The following DPYD variants were observed in gnomAD, a reference collection of about 807,000 sequenced individuals.
DPYD encodes the protein dihydropyrimidine dehydrogenase [NADP(+)].
Under a neutral mutation model 116.2 loss-of-function variants are expected in DPYD, and 109 were observed. The observed-to-expected ratio is 0.94, with a 90% confidence interval of 0.80 to 1.10. The LOEUF (loss-of-function observed/expected upper bound fraction) is 1.10. Ranked by LOEUF, DPYD falls within the 50% of genes least tolerant of loss-of-function variation. DPYD has a pLI of 0.00. For missense variants in DPYD, 1,302 were observed against 1,254.5 expected, an observed-to-expected ratio of 1.04 and a Z score of -0.57; for synonymous variants, 440 against 432.0, an observed-to-expected ratio of 1.02 and a Z score of -0.23.
At chr1:97,855,137 T>G (rs1459998225) in intron 2 of DPYD, 2 of 152,224 alleles carry the variant, frequency 1.3e-5, no homozygotes, top group African/African-American at 4.8e-5. Flanking sequence ...GCCAGGCACT[T>G]GTTCGGTTCA....
chr1:97,641,485 C>T (rs896777749), intron 8 of DPYD, among the ~76,000 whole-genome samples: 1 of 152,070 alleles, frequency 6.6e-6, no homozygotes, highest in Non-Finnish European at 1.5e-5. Flanking sequence ...TAAACAGAAC[C>T]AATGACAAAA....
chr1:97,835,951 C>G (rs1405869900), intron 2 of DPYD, among the ~76,000 whole-genome samples: 1 of 152,176 alleles, frequency 6.6e-6, no homozygotes, highest in African/African-American at 2.4e-5. Flanking sequence ...TCTGACCCAT[C>G]TCCACTAAAT....
intron 1 of DPYD, among the ~76,000 whole-genome samples, chr1:97,886,465 T>G (rs1672492074): frequency 6.6e-6 from 1 of 152,044 alleles, no homozygotes; most frequent in African/African-American, 2.4e-5. Flanking sequence ...GGGCCCTGAT[T>G]ATCCTTGCCT....
At chr1:97,912,418 G>A (rs1400904995) in intron 1 of DPYD, among the ~76,000 whole-genome samples, 3 of 152,092 alleles carry the variant, frequency 2.0e-5, no homozygotes, top group Non-Finnish European at 4.4e-5. Context: ...ACTTAAAACT[G>A]AAGTTAATAT....
chr1:97,777,363 A>T (rs906181337), intron 3 of DPYD, among the ~76,000 whole-genome samples: 1 of 152,196 alleles, frequency 6.6e-6, no homozygotes, highest in African/African-American at 2.4e-5. Flanking sequence ...GGCCAAAGAG[A>T]CTGCAAATAC....
intron 4 of DPYD, among the ~76,000 whole-genome samples, chr1:97,731,689 T>C (rs1394555959): frequency 6.6e-6 from 1 of 152,040 alleles, no homozygotes; most frequent in Admixed American, 6.5e-5. Flanking sequence ...TTCTTTTCTA[T>C]ACAATGAGAT....
chr1:97,865,046 T>C (rs980315424), intron 2 of DPYD, among the ~76,000 whole-genome samples: 26 of 152,040 alleles, frequency 1.7e-4, no homozygotes, highest in African/African-American at 6.0e-4. Flanking sequence ...GAAATATTGC[T>C]GCAGAAGGAG....
intron 2 of DPYD, among the ~76,000 whole-genome samples, chr1:97,875,035 T>C (rs182427017): frequency 1.0e-3 from 153 of 152,068 alleles, no homozygotes; most frequent in Admixed American, 2.6e-3. Flanking sequence ...TAATGATTCA[T>C]TGTTTCATGC....
chr1:97,802,567 T>G (rs1189379589), intron 3 of DPYD, among the ~76,000 whole-genome samples: 2 of 151,810 alleles, frequency 1.3e-5, no homozygotes, highest in African/African-American at 4.8e-5. Flanking sequence ...CTCAGATCTA[T>G]CCCTCAGATA....
chr1:97,247,796 T>C (rs1662822461), intron 18 of DPYD, among the ~76,000 whole-genome samples: 1 of 151,992 alleles, frequency 6.6e-6, no homozygotes, highest in African/African-American at 2.4e-5. Context: ...CTAACCAAAA[T>C]TGAGACAACA....
chr1:97,202,066 G>A (rs983780833), intron 19 of DPYD, among the ~76,000 whole-genome samples: 5 of 152,050 alleles, frequency 3.3e-5, no homozygotes, highest in African/African-American at 9.7e-5. Context: ...AAGAAATCTG[G>A]CTTTGAGTTC....
intron 13 of DPYD, among the ~76,000 whole-genome samples, chr1:97,477,777 C>T (rs369638619): frequency 0.016 from 2,497 of 151,690 alleles, 33 homozygotes; most frequent in South Asian, 0.032. Flanking sequence ...CCCGCCACCG[C>T]GCCCGGCTAA....
intron 8 of DPYD, among the ~76,000 whole-genome samples, chr1:97,643,693 T>C (rs1045694940): frequency 4.6e-5 from 7 of 152,086 alleles, no homozygotes; most frequent in African/African-American, 1.7e-4. Flanking sequence ...CAAATGGCCA[T>C]CAATGATAGA....
intron 14 of DPYD, among the ~76,000 whole-genome samples, chr1:97,428,985 T>C (rs1255653000): frequency 1.3e-5 from 2 of 152,012 alleles, no homozygotes; most frequent in Non-Finnish European, 2.9e-5. Context: ...TCAAATAAAA[T>C]CAAAATATCA....
At chr1:97,256,499 A>T (rs1456423143) in intron 18 of DPYD, among the ~76,000 whole-genome samples, 1 of 152,076 alleles carries the variant, frequency 6.6e-6, no homozygotes, top group Non-Finnish European at 1.5e-5. Context: ...TGATGGTTTC[A>T]TAAGGAGGAG....
intron 14 of DPYD, among the ~76,000 whole-genome samples, chr1:97,422,975 C>G (rs1250322867): frequency 2.6e-5 from 4 of 151,922 alleles, no homozygotes; most frequent in Non-Finnish European, 5.9e-5. Flanking sequence ...TTTGGGTGAA[C>G]AATGACTCAA....
intron 2 of DPYD, among the ~76,000 whole-genome samples, chr1:97,854,867 GAGA>G (rs1374570977): frequency 6.6e-6 from 1 of 152,154 alleles, no homozygotes; most frequent in Non-Finnish European, 1.5e-5. Context: ...AGTTTATTAA[GAGA>G]AGGAGGAGCA....
intron 16 of DPYD, among the ~76,000 whole-genome samples, chr1:97,344,431 T>C (rs1262847821): frequency 6.6e-6 from 1 of 151,950 alleles, no homozygotes; most frequent in Non-Finnish European, 1.5e-5. Flanking sequence ...AAAGTTCTCC[T>C]TTCCCAGTAC....
chr1:97,255,936 A>G (rs1398605626), intron 18 of DPYD, among the ~76,000 whole-genome samples: 1 of 152,108 alleles, frequency 6.6e-6, no homozygotes, highest in Non-Finnish European at 1.5e-5. Context: ...ATTTTCGGGC[A>G]GGGCTAGCCC....
Sources: gnomAD v4.1 joint callset for allele counts (sites outside exome capture counted in the v4.1 genomes callset) on GRCh38, gnomAD v4.1.1 for gene constraint, MANE v1.5 for transcripts, NCBI Gene and HGNC (gene_info 2026-07-23, HGNC 2026-07-21) for gene names.